SYNPR: variants seen among roughly 807,000 people sequenced by gnomAD.
SYNPR encodes synaptoporin.
A neutral mutation model predicts 32.9 loss-of-function variants in SYNPR; 23 were observed. The observed-to-expected ratio is 0.70, with a 90% confidence interval of 0.50 to 0.99. SYNPR has a LOEUF of 0.99. Ranked by LOEUF, SYNPR falls within the 50% of genes least tolerant of loss-of-function variation. The pLI, the probability that SYNPR is intolerant of heterozygous loss-of-function variation, is 0.00. For synonymous variants in SYNPR, 146 were observed against 135.9 expected, an observed-to-expected ratio of 1.07 and a Z score of -0.52; for missense variants, 318 against 349.3, an observed-to-expected ratio of 0.91 and a Z score of 0.71.
At chr3:63,564,326 A>C (rs1335897398) in intron 4 of SYNPR, among the ~76,000 whole-genome samples, 1 of 151,452 alleles carries the variant, frequency 6.6e-6, no homozygotes. Context: ...CCTCCCCAGT[A>C]GCTGAGATTA....
In SYNPR at chr3:63,443,785, C is replaced by T. The variant is rs546919458; in HGVS notation, c.85-37047C>T. On this transcript the variant is annotated intron_variant, in intron 2 of 5. Transcript: ENST00000478300. Reference sequence around the variant, plus strand: ...TGTAATGTCATTCTACCCTACCCCTCCTTCCTTGGAGTGTTTAATATCCTA... The same window carrying T: ...TGTAATGTCATTCTACCCTACCCCTTCTTCCTTGGAGTGTTTAATATCCTA... 1.3e-5 allele frequency among the ~76,000 whole-genome samples: 2 copies of T among 152,320 alleles called. 1 individual carries two copies. Among genetic ancestry groups the T allele is most frequent in the South Asian group, 4.1e-4 (2 of 4,828 alleles).
At chr3:63,218,606 T>C in the SYNPR span, among the ~76,000 whole-genome samples, 1 of 152,218 alleles carries the variant, frequency 6.6e-6, no homozygotes, top group Admixed American at 6.5e-5. Context: ...AACTCTTTGC[T>C]TTTTGCCTCT....
chr3:63,407,960 G>T (rs1357352085), intron 2 of SYNPR, among the ~76,000 whole-genome samples: 2 of 151,796 alleles, frequency 1.3e-5, no homozygotes, highest in African/African-American at 4.8e-5. Flanking sequence ...GACATACTAA[G>T]GCCATCTTTC....
chr3:63,481,498 G>A (rs1393590409), intron 3 of SYNPR, among the ~76,000 whole-genome samples: 1 of 151,062 alleles, frequency 6.6e-6, no homozygotes, highest in Non-Finnish European at 1.5e-5. Flanking sequence ...ACTGTTCCTA[G>A]TCTAAGACAA....
chr3:63,332,795 G>A (rs1432581603), intron 2 of SYNPR, among the ~76,000 whole-genome samples: 1 of 152,130 alleles, frequency 6.6e-6, no homozygotes, highest in Non-Finnish European at 1.5e-5. Context: ...CAGTCTGTGT[G>A]ACTGCAAGGT....
intron 2 of SYNPR, among the ~76,000 whole-genome samples, chr3:63,352,343 C>T (rs1032199106): frequency 2.6e-5 from 4 of 152,026 alleles, no homozygotes; most frequent in South Asian, 4.2e-4. Context: ...CTTTTCAAAC[C>T]GGCAGATTCG....
chr3:63,322,739 A>G (rs2087124083), intron 2 of SYNPR, among the ~76,000 whole-genome samples: 1 of 152,072 alleles, frequency 6.6e-6, no homozygotes, highest in Non-Finnish European at 1.5e-5. Context: ...GTGTGGGGCC[A>G]AAGACATTCA....
chr3:63,365,461 G>A lies in SYNPR; in HGVS notation c.84+86719G>A, dbSNP rs1027658284. On this transcript the variant is annotated intron_variant, in intron 2 of 5. Transcript: ENST00000478300. ...TGCTATGATCTGTTTTACATTGTAG[G>A]TGTCTACATAGAGGTTCGCATAAGA... 2.6e-5 allele frequency among the ~76,000 whole-genome samples: 4 copies of A among 152,118 alleles called. No individual in the cohort carries two copies. In the East Asian group the frequency reaches 7.7e-4, roughly 29 times the overall value.
At chr3:63,367,668 T>A (rs1429974949) in intron 2 of SYNPR, among the ~76,000 whole-genome samples, 1 of 152,186 alleles carries the variant, frequency 6.6e-6, no homozygotes, top group African/African-American at 2.4e-5. Flanking sequence ...CCTTGAATTA[T>A]AATTTAAATA....
intron 2 of SYNPR, among the ~76,000 whole-genome samples, chr3:63,457,724 T>A (rs983290428): frequency 6.6e-6 from 1 of 152,058 alleles, no homozygotes; most frequent in African/African-American, 2.4e-5. Flanking sequence ...ACCTGAAAAA[T>A]TATACAGACC....
intron 2 of SYNPR, among the ~76,000 whole-genome samples, chr3:63,392,627 C>T (rs1301266560): frequency 6.6e-6 from 1 of 152,130 alleles, no homozygotes; most frequent in Non-Finnish European, 1.5e-5. Context: ...CCCTGGAATT[C>T]GGTTATACTC....
At chr3:63,439,652 C>T (rs1700135150) in intron 2 of SYNPR, among the ~76,000 whole-genome samples, 1 of 152,198 alleles carries the variant, frequency 6.6e-6, no homozygotes, top group Non-Finnish European at 1.5e-5. Context: ...AGGAGCTTTC[C>T]ACCATCTTTT....
intron 2 of SYNPR, among the ~76,000 whole-genome samples, chr3:63,295,981 G>T (rs939132519): frequency 2.0e-5 from 3 of 152,174 alleles, no homozygotes; most frequent in African/African-American, 7.2e-5. Context: ...GAAGAACCTG[G>T]GTAGCATGCA....
At chr3:63,315,636 T>C (rs1161450786) in intron 2 of SYNPR, among the ~76,000 whole-genome samples, 2 of 151,978 alleles carry the variant, frequency 1.3e-5, no homozygotes, top group East Asian at 1.9e-4. Context: ...AGGAGCTTTC[T>C]GGAGGAGTCC....
chr3:63,585,452 C>CT (rs954315556), intron 4 of SYNPR, among the ~76,000 whole-genome samples: 12 of 108,402 alleles, frequency 1.1e-4, no homozygotes, highest in Non-Finnish European at 2.2e-4. Context: ...TATCCATGCC[C>CT]CCCCCCTCCG....
intron 2 of SYNPR, among the ~76,000 whole-genome samples, chr3:63,315,135 C>T (rs538580676): frequency 7.9e-5 from 12 of 151,824 alleles, no homozygotes; most frequent in South Asian, 6.2e-4. Flanking sequence ...TTGGTGACTA[C>T]GGCCTTATAG....
intron 2 of SYNPR, among the ~76,000 whole-genome samples, chr3:63,468,267 A>G (rs1700724811): frequency 6.6e-6 from 1 of 152,006 alleles, no homozygotes; most frequent in Admixed American, 6.6e-5. Flanking sequence ...GAAGCAGTGT[A>G]GAGATGCAAC....
At chr3:63,578,832 A>T (rs1394834209) in intron 4 of SYNPR, among the ~76,000 whole-genome samples, 1 of 152,142 alleles carries the variant, frequency 6.6e-6, no homozygotes, top group African/African-American at 2.4e-5. Flanking sequence ...CAAGGCAGAT[A>T]CACCCAGCCA....
chr3:63,345,874 G>A (rs1282271292), intron 2 of SYNPR, among the ~76,000 whole-genome samples: 1 of 151,952 alleles, frequency 6.6e-6, no homozygotes, highest in East Asian at 1.9e-4. Context: ...GAGTGCAGTG[G>A]CGCAATCTCA....
Sources: allele counts gnomAD v4.1 joint callset (sites outside exome capture counted in the v4.1 genomes callset), GRCh38; gene constraint gnomAD v4.1.1; transcripts MANE v1.5; gene names NCBI Gene and HGNC (gene_info 2026-07-23, HGNC 2026-07-21).